Variants in VPS13D observed in about 807,000 individuals in gnomAD.
VPS13D encodes vacuolar protein sorting 13 homolog D.
Under a neutral mutation model 461.9 loss-of-function variants are expected in VPS13D, and 187 were observed. The ratio of observed to expected loss-of-function variants is 0.40; its 90% CI spans 0.36 to 0.46. The LOEUF is 0.46. Ranked by LOEUF, VPS13D falls within the 20% of genes least tolerant of loss-of-function variation. VPS13D has a pLI of 0.60. For synonymous variants in VPS13D, 1,951 were observed against 1,986.3 expected (o/e 0.98, Z 0.47); for missense variants, 4,711 against 5,364.9 (o/e 0.88, Z 3.81).
At chr1:12,325,574 C>T (rs924210992) in intron 35 of VPS13D, among the ~76,000 whole-genome samples, 1 of 152,132 alleles carries the variant, frequency 6.6e-6, no homozygotes, top group African/African-American at 2.4e-5. Context: ...TACTTCTCTA[C>T]CTACTGTGGA....
intron 60 of VPS13D, among the ~76,000 whole-genome samples, chr1:12,398,685 C>T (rs1026741586): frequency 6.6e-6 from 1 of 152,156 alleles, no homozygotes; most frequent in Non-Finnish European, 1.5e-5. Context: ...GGCACTGATA[C>T]TGATCAGGGC....
In VPS13D at chr1:12,511,556, G is replaced by A. The variant is rs910842582; in HGVS notation, c.*2532G>A. 6.6e-6 allele frequency: 1 copy of A among 152,218 alleles called. No individual in the cohort carries two copies. Among genetic ancestry groups the A allele is most frequent in the Non-Finnish European group, 1.5e-5 (1 of 68,046 alleles). The allele number at this position is 152,218 out of a possible 1,614,324, so 9.4% of individuals were successfully genotyped here. A position where few individuals can be genotyped will look rare whatever the true frequency, so the allele number is the denominator to read the frequency against. ...GATCATTTCTACTGCTTTTCTTTCT[G>A]CTTCAAACACACAGTTCGTCTCTGA... On this transcript the variant is annotated 3_prime_UTR_variant, in exon 70 of 70. Coordinates refer to ENST00000620676, the MANE Select transcript of VPS13D (RefSeq NM_015378.4). The surrounding 1 kb of genome is among the most constrained non-coding windows in gnomAD (Gnocchi z 4.5).
intron 64 of VPS13D, 106 bp downstream of exon 64, chr1:12,415,327 A>G (rs1644780124): frequency 1.4e-6 from 2 of 1,431,060 alleles, no homozygotes; most frequent in African/African-American, 1.4e-5. Flanking sequence ...ACCCAGTTAA[A>G]CATTTCAACT....
chr1:12,320,044 G>A (rs923697382), intron 32 of VPS13D, among the ~76,000 whole-genome samples: 3 of 152,138 alleles, frequency 2.0e-5, no homozygotes, highest in Admixed American at 6.5e-5. Flanking sequence ...TAGGGCTTTG[G>A]GAAGGGAAAC....
At chr1:12,312,587 C>T (rs1642784077) in intron 29 of VPS13D, among the ~76,000 whole-genome samples, 1 of 152,096 alleles carries the variant, frequency 6.6e-6, no homozygotes, top group Non-Finnish European at 1.5e-5. Flanking sequence ...GTGAGAGACC[C>T]TGTCTCTACA....
At chr1:12,488,746 G>A (rs931317935) in intron 67 of VPS13D, among the ~76,000 whole-genome samples, 6 of 151,066 alleles carry the variant, frequency 4.0e-5, no homozygotes, top group South Asian at 2.1e-4. Context: ...ATTAGCATGC[G>A]TACTTAATAG....
At chr1:12,298,900 CACA>C (rs1642348467) in intron 24 of VPS13D, among the ~76,000 whole-genome samples, 2 of 152,068 alleles carry the variant, frequency 1.3e-5, no homozygotes, top group Admixed American at 1.3e-4. Flanking sequence ...AAGTGTATCC[CACA>C]AATTTTAATG....
intron 68 of VPS13D, among the ~76,000 whole-genome samples, chr1:12,500,455 A>G (rs1013200081): frequency 6.6e-6 from 1 of 151,766 alleles, no homozygotes; most frequent in Non-Finnish European, 1.5e-5. Context: ...TAAGGTACCT[A>G]TTTTATTTCT....
At chr1:12,477,133 G>T (rs536265162) in intron 67 of VPS13D, among the ~76,000 whole-genome samples, 1 of 152,278 alleles carries the variant, frequency 6.6e-6, no homozygotes, top group Admixed American at 6.5e-5. Flanking sequence ...CCAACTCTTA[G>T]TATCAAGATG....
At chr1:12,306,604 A>T (rs1642571945) in intron 26 of VPS13D, among the ~76,000 whole-genome samples, 1 of 152,148 alleles carries the variant, frequency 6.6e-6, no homozygotes, top group South Asian at 2.1e-4. Flanking sequence ...TTTGTTTCTG[A>T]AATTTCACTA....
chr1:12,346,229 C>T (rs1001417940), intron 43 of VPS13D, among the ~76,000 whole-genome samples: 1 of 152,214 alleles, frequency 6.6e-6, no homozygotes, highest in Non-Finnish European at 1.5e-5. Flanking sequence ...TGTTGCACAA[C>T]TGTCCATTTT....
At chr1:12,388,254 TATAAC>T (rs1644375068) in intron 60 of VPS13D, among the ~76,000 whole-genome samples, 1 of 152,086 alleles carries the variant, frequency 6.6e-6, no homozygotes, top group Admixed American at 6.6e-5. Context: ...AACAAAGAGT[TATAAC>T]TAATAATTCA....
At chr1:12,421,323 T>A (rs77869374) in intron 65 of VPS13D, among the ~76,000 whole-genome samples, 5,262 of 152,308 alleles carry the variant, frequency 0.035, 184 homozygotes, top group Admixed American at 0.1. Flanking sequence ...TTCTGGAAGG[T>A]CTTCTCTGAA....
chr1:12,325,193 A>G (rs1408353648), intron 35 of VPS13D, among the ~76,000 whole-genome samples: 1 of 152,030 alleles, frequency 6.6e-6, no homozygotes, highest in Non-Finnish European at 1.5e-5. Flanking sequence ...CCTGGGCTCA[A>G]GCAATCCTCC....
At position 12,277,676 on chromosome 1, in the gene VPS13D, T is replaced by C; in HGVS notation, c.4088T>C (p.Phe1363Ser). The C allele has an allele frequency of 1.2e-6, 2 of 1,614,232 alleles. No homozygotes were observed. The highest frequency in any genetic ancestry group is 1.7e-6 in the Non-Finnish European group (2 of 1,180,038). ...TTAGAGGAAAATGAAATATATGGGT[T>C]TGACCTAGCTTCGTCTCATTTGGAC... ...FILEENEIYG[F>S]DLASSHLDTV... The change falls in exon 19 of 70, where the codon TTT becomes TCT. Residue 1363 changes from phenylalanine (F) to serine (S), a missense_variant. Physicochemically the swap from Phe to Ser is radical, Grantham distance 155. Around this residue, in one of 3 missense-constraint regions of VPS13D, gnomAD observed 4,411 missense variants for 4,937.8 expected, o/e 0.89. Coordinates refer to ENST00000620676, the MANE Select transcript of VPS13D (RefSeq NM_015378.4).
rs771364818 is a variant in VPS13D, at chr1:12,373,746, C to T, written c.10809-4C>T. ...ATGTAATATATATATTTTTTAAATT[C>T]TAGCTTGCAGGAGGGAACAGGCAGG... On this transcript the variant is annotated splice_polypyrimidine_tract_variant and splice_region_variant and intron_variant, in intron 54 of 69. Coordinates refer to ENST00000620676, the MANE Select transcript of VPS13D (RefSeq NM_015378.4). The T allele has an allele frequency of 1.4e-6, 2 of 1,467,602 alleles. No homozygotes were observed. The highest frequency in any genetic ancestry group is 5.1e-5 in the East Asian group (2 of 39,588). The allele number at this position is 1,467,602 out of a possible 1,614,324, so 90.9% of individuals were successfully genotyped here.
chr1:12,489,027 C>G (rs561250820), intron 67 of VPS13D, among the ~76,000 whole-genome samples: 2 of 152,288 alleles, frequency 1.3e-5, no homozygotes, highest in East Asian at 3.9e-4. Flanking sequence ...AGAATGCATG[C>G]AAAAATTATG....
chr1:12,394,447 C>T (rs933869554), intron 60 of VPS13D, among the ~76,000 whole-genome samples: 20 of 152,286 alleles, frequency 1.3e-4, no homozygotes, highest in Middle Eastern at 6.8e-3. Context: ...TTGCCTTTGA[C>T]GATTGAGTGC....
intron 67 of VPS13D, among the ~76,000 whole-genome samples, chr1:12,469,073 G>A (rs1645530700): frequency 6.6e-6 from 1 of 151,610 alleles, no homozygotes; most frequent in South Asian, 2.1e-4. Flanking sequence ...TGTTATATTG[G>A]GCTTATATAA....
Sources: allele counts gnomAD v4.1 joint callset (sites outside exome capture counted in the v4.1 genomes callset), GRCh38; gene constraint gnomAD v4.1.1; regional missense constraint gnomAD v4.1.1; non-coding constraint Gnocchi (gnomAD v3.1); transcripts MANE v1.5; gene names NCBI Gene and HGNC (gene_info 2026-07-23, HGNC 2026-07-21).